Variants in NPRL3 observed in about 807,000 individuals in gnomAD.
NPRL3 encodes the protein GATOR1 complex protein NPRL3.
In NPRL3, 23 loss-of-function variants were observed where a neutral mutation model predicts 57.2. The ratio of observed to expected loss-of-function variants is 0.40; its 90% CI spans 0.29 to 0.57. NPRL3 has a LOEUF of 0.57. NPRL3 is among the 20% of genes least tolerant of loss of function. The pLI is 0.42. For synonymous variants in NPRL3, 333 were observed against 321.1 expected (o/e 1.04, Z -0.39); for missense variants, 691 against 767.1 (o/e 0.90, Z 1.17).
chr16:97,795 T>A (rs1899085317), intron 9 of NPRL3, among the ~76,000 whole-genome samples: 2 of 152,166 alleles, frequency 1.3e-5, no homozygotes, highest in Non-Finnish European at 2.9e-5. Context: ...TGCACCACTG[T>A]GAGACCCCCA....
At chr16:119,404 C>G (rs745317167) in intron 3 of NPRL3, 149 bp from the exon 4 acceptor site, 2 of 730,414 alleles carry the variant, frequency 2.7e-6, no homozygotes, top group African/African-American at 3.5e-5. Flanking sequence ...CTAACAGTTG[C>G]CCTTCTGTAG....
At chr16:130,018 AC>A (rs1420300120) in intron 3 of NPRL3, among the ~76,000 whole-genome samples, 1 of 152,140 alleles carries the variant, frequency 6.6e-6, no homozygotes, top group East Asian at 1.9e-4. Context: ...AACCGGATCC[AC>A]CTTTCATCTG....
rs376589453 is a variant in NPRL3 at position 88,835 on chromosome 16, C to G, written c.1407G>C (p.Glu469Asp). 1 of 1,613,876 alleles carries G rather than the reference C, an allele frequency of 6.2e-7. No individual in the cohort carries two copies. The highest frequency in any genetic ancestry group is 8.5e-7 in the Non-Finnish European group (1 of 1,179,864). Residue 469 changes from glutamate to aspartate, a missense_variant, in exon 13 of 14, where the codon GAG becomes GAC. Coordinates refer to ENST00000611875, the MANE Select transcript of NPRL3 (RefSeq NM_001077350.3). ...TSPSMDNSSA[E>D]LLPSGDSPLN... Reference sequence around the variant, plus strand: ...GTGGCGAGTCCCCGCTGGGAAGTAGCTCTGCGCTGGAGTTGTCCATGCTGG... The same window carrying G: ...GTGGCGAGTCCCCGCTGGGAAGTAGGTCTGCGCTGGAGTTGTCCATGCTGG...
At chr16:105,835 G>C (rs1217644396) in intron 7 of NPRL3, among the ~76,000 whole-genome samples, 1 of 152,220 alleles carries the variant, frequency 6.6e-6, no homozygotes, top group Non-Finnish European at 1.5e-5. Context: ...ATATGAATGA[G>C]TGACATGCTG....
intron 3 of NPRL3, among the ~76,000 whole-genome samples, chr16:128,736 C>G (rs111682761): frequency 0.065 from 9,891 of 152,174 alleles, 413 homozygotes; most frequent in Non-Finnish European, 0.086. Flanking sequence ...CCACTGCACT[C>G]CAGCCTGGGT....
rs575117061 is a variant in NPRL3, at chr16:85,996, C to T, written c.*709G>A. The T allele has an allele frequency of 9.9e-6, 5 of 503,732 alleles. No homozygotes were observed. Among genetic ancestry groups the T allele is most frequent in the South Asian group, 1.3e-4 (2 of 15,254 alleles). The allele number at this position is 503,732 out of a possible 1,614,324, so 31.2% of individuals were successfully genotyped here. On this transcript the variant is annotated 3_prime_UTR_variant, in exon 14 of 14. Transcript: ENST00000611875. ...CATCAGTGTGGGAGCCGAAAGCCCC[C>T]GAGGGTGGGGTCCTGCACAGTGGGC...
intron 10 of NPRL3, 41 bp from the exon 11 acceptor site, chr16:92,766 CCCA>C (rs1434603263): frequency 8.7e-6 from 14 of 1,607,400 alleles, no homozygotes; most frequent in Non-Finnish European, 1.2e-5. Context: ...AGCAGACCCC[CCCA>C]CCGTGTTCTC....
In NPRL3 at chr16:88,243, T is replaced by C. The variant is rs373178072; in HGVS notation, c.1544+455A>G. ...ACTTGGCACTTAAATTAGCCGGGCG[T>C]GGTGGCGGGCGCCTGTAGTCCCAGC... On this transcript the variant is annotated intron_variant, in intron 13 of 13. Coordinates refer to ENST00000611875, the MANE Select transcript of NPRL3 (RefSeq NM_001077350.3). 3.6e-4 allele frequency among the ~76,000 whole-genome samples: 54 copies of C among 152,072 alleles called. 1 individual carries two copies. In the South Asian group the frequency reaches 0.01, roughly 29 times the overall value.
chr16:87,149 T>C (rs560477387), intron 13 of NPRL3, among the ~76,000 whole-genome samples: 1 of 152,206 alleles, frequency 6.6e-6, no homozygotes, highest in African/African-American at 2.4e-5. Context: ...CGTCCTGATG[T>C]TGGGACCAGG....
chr16:134,317 C>A (rs899548161), intron 2 of NPRL3, among the ~76,000 whole-genome samples: 1 of 152,070 alleles, frequency 6.6e-6, no homozygotes, highest in Admixed American at 6.6e-5. Context: ...AATGTACATA[C>A]ACCAAGAGCC....
chr16:122,766 G>A (rs1426421414), intron 3 of NPRL3, among the ~76,000 whole-genome samples: 1 of 152,094 alleles, frequency 6.6e-6, no homozygotes, highest in Non-Finnish European at 1.5e-5. Context: ...GACAAAAAAA[G>A]GGATGGAAAG....
At chr16:92,852 C>G in intron 10 of NPRL3, 127 bp from the exon 11 acceptor site, 1 of 1,248,512 alleles carries the variant, frequency 8.0e-7, no homozygotes. Context: ...GAGGGCAGAA[C>G]GGTATGAGGC....
At chr16:98,451 C>G (rs1033576826) in intron 8 of NPRL3, 150 bp from the exon 9 acceptor site, 1 of 840,826 alleles carries the variant, frequency 1.2e-6, no homozygotes, top group South Asian at 1.8e-5. Flanking sequence ...ACCTGGGACT[C>G]AAACACACGG....
intron 9 of NPRL3, among the ~76,000 whole-genome samples, chr16:96,784 CAGAAAAG>C (rs1196000820): frequency 6.6e-6 from 1 of 151,832 alleles, no homozygotes; most frequent in Admixed American, 6.6e-5. Context: ...GAACCTGTCT[CAGAAAAG>C]AAAAAAGAAA....
Position 129,099 on chromosome 16 carries a change from A to C in NPRL3, c.188+1423T>G, listed in dbSNP as rs1011615729. On this transcript the variant is annotated intron_variant, in intron 3 of 13. Coordinates refer to ENST00000611875, the MANE Select transcript of NPRL3 (RefSeq NM_001077350.3). ...AATTAATTCCCTAGAAAATATCCTC[A>C]TGGTCATGTCATTATAAGTCTGAAA... Among the ~76,000 whole-genome samples, 11 of 152,168 alleles carry C rather than the reference A, an allele frequency of 7.2e-5. 1 individual carries two copies. The highest frequency in any genetic ancestry group is 1.5e-4 in the Non-Finnish European group (10 of 68,026).
At chr16:103,921 A>G (rs1263140420) in intron 7 of NPRL3, among the ~76,000 whole-genome samples, 4 of 152,116 alleles carry the variant, frequency 2.6e-5, no homozygotes, top group African/African-American at 9.7e-5. Flanking sequence ...TTGAGACCAG[A>G]CTGACCAACA....
intron 13 of NPRL3, 96 bp from the exon 14 acceptor site, chr16:86,966 C>T (rs1374723018): frequency 1.6e-6 from 2 of 1,251,194 alleles, no homozygotes; most frequent in African/African-American, 1.5e-5. Flanking sequence ...GAGCTGCCCA[C>T]AGGCCTGAAC....
intron 3 of NPRL3, among the ~76,000 whole-genome samples, chr16:125,236 C>T (rs1403894266): frequency 6.6e-6 from 1 of 152,152 alleles, no homozygotes; most frequent in Non-Finnish European, 1.5e-5. Flanking sequence ...GATCTCTTTC[C>T]TCAGCAGCTG....
chr16:115,396 A>G (rs1222383684), intron 5 of NPRL3, among the ~76,000 whole-genome samples: 1 of 152,130 alleles, frequency 6.6e-6, no homozygotes, highest in East Asian at 1.9e-4. Context: ...AGACTTGTCC[A>G]CCCAAAAAAT....
Sources: allele counts gnomAD v4.1 joint callset (sites outside exome capture counted in the v4.1 genomes callset), GRCh38; gene constraint gnomAD v4.1.1; transcripts MANE v1.5; gene names NCBI Gene and HGNC (gene_info 2026-07-23, HGNC 2026-07-21).